The following C12orf56 variants were observed in gnomAD, a reference collection of about 807,000 sequenced individuals.
The protein encoded by C12orf56 is chromosome 12 open reading frame 56, also known as uncharacterized protein C12orf56.
In C12orf56, 71 loss-of-function variants were observed where a neutral mutation model predicts 69.9. The observed-to-expected ratio is 1.02, with a 90% CI of 0.84 to 1.24. C12orf56 has a LOEUF of 1.24. C12orf56 is among the 50% of genes most tolerant of loss of function. The pLI, the probability that C12orf56 is intolerant of heterozygous loss-of-function variation, is 0.00. For missense variants in C12orf56, 732 were observed against 738.5 expected, an observed-to-expected ratio of 0.99 and a Z score of 0.10; for synonymous variants, 276 against 274.1, an observed-to-expected ratio of 1.01 and a Z score of -0.07.
chr12:64,348,682 G>A (rs1289558545), intron 2 of C12orf56, among the ~76,000 whole-genome samples: 1 of 152,010 alleles, frequency 6.6e-6, no homozygotes, highest in Admixed American at 6.6e-5. Flanking sequence ...TATATTTTAG[G>A]GAATAATATT....
intron 1 of C12orf56, among the ~76,000 whole-genome samples, chr12:64,370,986 T>G (rs947261078): frequency 3.3e-5 from 5 of 151,984 alleles, no homozygotes; most frequent in African/African-American, 1.2e-4. Flanking sequence ...GGCCATAGAG[T>G]GAGACCCCAT....
chr12:64,353,697 G>A (rs569994776), intron 1 of C12orf56, among the ~76,000 whole-genome samples: 55 of 151,826 alleles, frequency 3.6e-4, no homozygotes, highest in Admixed American at 1.9e-3. Context: ...ATTTTTTGTT[G>A]TTGAGATGGA....
At chr12:64,316,547 G>A (rs549219686) in intron 4 of C12orf56, among the ~76,000 whole-genome samples, 1 of 151,992 alleles carries the variant, frequency 6.6e-6, no homozygotes, top group Admixed American at 6.6e-5. Context: ...CACCACACCT[G>A]GCTAAGAGAA....
At chr12:64,374,651 C>T (rs1407714046) in intron 1 of C12orf56, among the ~76,000 whole-genome samples, 1 of 151,724 alleles carries the variant, frequency 6.6e-6, no homozygotes, top group Non-Finnish European at 1.5e-5. Flanking sequence ...TCCAGTGATT[C>T]TCCTGCCTCA....
chr12:64,390,183 T>G, intron 1 of C12orf56, 131 bp downstream of exon 1: 1 of 1,227,342 alleles, frequency 8.1e-7, no homozygotes, highest in Non-Finnish European at 1.1e-6. Context: ...TGTTCCTCGT[T>G]CTCAAATAAG....
intron 1 of C12orf56, among the ~76,000 whole-genome samples, chr12:64,369,882 C>T (rs1332438171): frequency 2.6e-5 from 4 of 151,232 alleles, no homozygotes; most frequent in Admixed American, 2.6e-4. Context: ...ACTCGGGAGG[C>T]TGAGGCAGGG....
intron 4 of C12orf56, among the ~76,000 whole-genome samples, chr12:64,315,296 ATTG>A (rs1251111698): frequency 8.6e-6 from 1 of 115,964 alleles, no homozygotes; most frequent in Non-Finnish European, 1.7e-5. Context: ...TACTTTTGTC[ATTG>A]TTCTACGTTT....
At chr12:64,328,535 C>A (rs1179453502) in intron 3 of C12orf56, among the ~76,000 whole-genome samples, 1 of 151,394 alleles carries the variant, frequency 6.6e-6, no homozygotes, top group East Asian at 1.9e-4. Context: ...AAAAAATTAG[C>A]TGGACATGGT....
intron 1 of C12orf56, among the ~76,000 whole-genome samples, chr12:64,357,091 T>A (rs1050992759): frequency 1.3e-5 from 2 of 151,882 alleles, no homozygotes; most frequent in Non-Finnish European, 2.9e-5. Context: ...TCTTTGAGAT[T>A]TATCAGCAGG....
intron 6 of C12orf56, among the ~76,000 whole-genome samples, chr12:64,297,095 T>C (rs1197027784): frequency 2.0e-5 from 3 of 152,182 alleles, no homozygotes; most frequent in Non-Finnish European, 2.9e-5. Context: ...AGTATGGGTT[T>C]CTAAGGGAGC....
chr12:64,350,689 G>T (rs755857865), intron 2 of C12orf56, among the ~76,000 whole-genome samples: 5 of 152,200 alleles, frequency 3.3e-5, no homozygotes, highest in Non-Finnish European at 7.3e-5. Context: ...CAACTTACAG[G>T]TATTTGAGAG....
chr12:64,295,472 G>A (rs1472518211), intron 6 of C12orf56, among the ~76,000 whole-genome samples: 2 of 152,000 alleles, frequency 1.3e-5, no homozygotes, highest in Non-Finnish European at 2.9e-5. Flanking sequence ...GCAACATGGT[G>A]AAACCCCTTT....
At chr12:64,319,040 A>G in intron 3 of C12orf56, 60 bp from the exon 4 acceptor site, 1 of 1,373,968 alleles carries the variant, frequency 7.3e-7, no homozygotes, top group East Asian at 2.5e-5. Context: ...AGCAACAAAG[A>G]GAACCGGTAG....
At chr12:64,367,373 G>C (rs983324408) in intron 1 of C12orf56, among the ~76,000 whole-genome samples, 7 of 142,854 alleles carry the variant, frequency 4.9e-5, no homozygotes, top group African/African-American at 1.5e-4. Flanking sequence ...ATATAGTTTA[G>C]TTTATATATA....
At chr12:64,278,791 C>G (rs2038088191) in intron 8 of C12orf56, among the ~76,000 whole-genome samples, 1 of 152,170 alleles carries the variant, frequency 6.6e-6, no homozygotes, top group South Asian at 2.1e-4. Context: ...ATTCTACACT[C>G]TCTGTTTTTA....
chr12:64,298,660 G>T (rs376230026), intron 6 of C12orf56, among the ~76,000 whole-genome samples: 2 of 152,104 alleles, frequency 1.3e-5, no homozygotes, highest in South Asian at 2.1e-4. Context: ...TTGCTTGTTT[G>T]TGTCAGGTTT....
intron 7 of C12orf56, among the ~76,000 whole-genome samples, chr12:64,285,602 A>G (rs1034809987): frequency 6.6e-6 from 1 of 152,172 alleles, no homozygotes; most frequent in Non-Finnish European, 1.5e-5. Context: ...AGCCTGGCCA[A>G]TGTGGTGAAA....
At chr12:64,308,955 G>GA (rs1266309361) in intron 5 of C12orf56, among the ~76,000 whole-genome samples, 2 of 105,684 alleles carry the variant, frequency 1.9e-5, no homozygotes, top group Non-Finnish European at 4.0e-5. Context: ...AAGAAAGAAA[G>GA]AAAGAAAGAA....
intron 1 of C12orf56, among the ~76,000 whole-genome samples, chr12:64,358,579 A>G (rs956741754): frequency 5.4e-4 from 82 of 151,556 alleles, no homozygotes; most frequent in Non-Finnish European, 7.8e-4. Flanking sequence ...GCATCATCTG[A>G]GGTCAGGAGT....
Sources: allele counts gnomAD v4.1 joint callset (sites outside exome capture counted in the v4.1 genomes callset), GRCh38; gene constraint gnomAD v4.1.1; transcripts MANE v1.5; gene names NCBI Gene and HGNC (gene_info 2026-07-23, HGNC 2026-07-21).